LDLRAD3: variants seen among roughly 807,000 people sequenced by gnomAD.
LDLRAD3 encodes low density lipoprotein receptor class A domain containing 3.
Under a neutral mutation model 29.4 loss-of-function variants are expected in LDLRAD3, and 20 were observed. The observed-to-expected ratio is 0.68, with a 90% CI of 0.48 to 0.99. The LOEUF is 0.99. LDLRAD3 is among the 50% of genes least tolerant of loss of function. The probability of loss-of-function intolerance (pLI) is 0.00; values close to 1 mark genes in which losing one functional copy is unlikely to be tolerated. For synonymous variants in LDLRAD3, 157 were observed against 192.7 expected, an observed-to-expected ratio of 0.81 and a Z score of 1.53; for missense variants, 420 against 454.3, an observed-to-expected ratio of 0.92 and a Z score of 0.69.
At position 36,213,136 on chromosome 11, in the gene LDLRAD3, C is replaced by G. The variant is rs1349802650; in HGVS notation, c.455-13949C>G. ...CCCTCCCCTTGCTTTCCCTCCCTCTCATTTTGAATTTAATCCTCGGGCACT... is the reference window on the plus strand; with the variant it reads ...CCCTCCCCTTGCTTTCCCTCCCTCTGATTTTGAATTTAATCCTCGGGCACT... On this transcript the variant is annotated intron_variant, in intron 4 of 5. Coordinates refer to ENST00000315571, the MANE Select transcript of LDLRAD3 (RefSeq NM_174902.4). The surrounding 1 kb of genome is among the most constrained non-coding windows in gnomAD (Gnocchi z 4.1). 6.6e-6 allele frequency among the ~76,000 whole-genome samples: 1 copy of G among 151,000 alleles called. No homozygotes were observed. The highest frequency in any genetic ancestry group is 1.5e-5 in the Non-Finnish European group (1 of 67,846).
At chr11:36,153,175 G>T (rs569885511) in intron 4 of LDLRAD3, among the ~76,000 whole-genome samples, 1 of 151,854 alleles carries the variant, frequency 6.6e-6, no homozygotes, top group Non-Finnish European at 1.5e-5. Flanking sequence ...GCATAGTCGG[G>T]GTGCTTGACC....
chr11:36,181,387 C>A (rs1228333678), intron 4 of LDLRAD3, among the ~76,000 whole-genome samples: 1 of 152,142 alleles, frequency 6.6e-6, no homozygotes, highest in Non-Finnish European at 1.5e-5. Context: ...ATAAGCATCA[C>A]CTCCCAGTAA....
chr11:36,089,326 C>G (rs1853242298), intron 3 of LDLRAD3, among the ~76,000 whole-genome samples: 2 of 152,138 alleles, frequency 1.3e-5, no homozygotes, highest in South Asian at 4.1e-4. Flanking sequence ...AATAACTTGC[C>G]CATACTCACA....
chr11:36,223,500 G>A (rs1424352869), intron 4 of LDLRAD3, among the ~76,000 whole-genome samples: 3 of 152,134 alleles, frequency 2.0e-5, no homozygotes, highest in South Asian at 2.1e-4. Flanking sequence ...AGGCAGAGAT[G>A]GATAGATTAC....
intron 4 of LDLRAD3, among the ~76,000 whole-genome samples, chr11:36,123,622 G>A (rs1316409316): frequency 6.6e-6 from 1 of 152,258 alleles, no homozygotes; most frequent in Admixed American, 6.5e-5. Context: ...AAGTGCACGG[G>A]TGTGGAAAGG....
At chr11:36,107,890 G>A (rs1853551615) in intron 4 of LDLRAD3, among the ~76,000 whole-genome samples, 1 of 152,196 alleles carries the variant, frequency 6.6e-6, no homozygotes, top group Admixed American at 6.5e-5. Context: ...ATGCCCAGGA[G>A]ACAAAGGCAC....
At chr11:36,090,055 A>G (rs1451533878) in intron 3 of LDLRAD3, among the ~76,000 whole-genome samples, 2 of 152,148 alleles carry the variant, frequency 1.3e-5, no homozygotes, top group Non-Finnish European at 2.9e-5. Context: ...ATTGAGGCTT[A>G]GAGAAGTTGA....
At chr11:36,089,801 G>C (rs1052830895) in intron 3 of LDLRAD3, among the ~76,000 whole-genome samples, 3 of 146,480 alleles carry the variant, frequency 2.0e-5, no homozygotes, top group African/African-American at 7.7e-5. Context: ...TTGTAGAGAA[G>C]GGGTCTTGCT....
At chr11:36,225,623 G>A (rs1399710599) in intron 4 of LDLRAD3, among the ~76,000 whole-genome samples, 2 of 151,994 alleles carry the variant, frequency 1.3e-5, no homozygotes, top group African/African-American at 4.8e-5. Flanking sequence ...CAGACCCCTG[G>A]ACTCAACTCA....
At position 36,201,544 on chromosome 11, in the gene LDLRAD3, A is replaced by G. The variant is rs1855126856; in HGVS notation, c.455-25541A>G. On this transcript the variant is annotated intron_variant, in intron 4 of 5. Transcript: ENST00000315571. ...AATTAACTAACTTGCAATTAATTTCAACAGTCATTATGCAAAAATTCTAGG... is the reference window on the plus strand; with the variant it reads ...AATTAACTAACTTGCAATTAATTTCGACAGTCATTATGCAAAAATTCTAGG... Among the ~76,000 whole-genome samples the G allele has an allele frequency of 2.0e-5, 3 of 152,218 alleles. No individual in the cohort carries two copies. The South Asian group carries it at 6.2e-4, about 32-fold the overall frequency.
intron 4 of LDLRAD3, among the ~76,000 whole-genome samples, chr11:36,103,572 C>G (rs1008120118): frequency 1.7e-4 from 26 of 152,106 alleles, no homozygotes; most frequent in African/African-American, 6.0e-4. Flanking sequence ...TGTATGTGTC[C>G]TGGACTCACT....
At chr11:36,065,033 A>G (rs1366701605) in intron 2 of LDLRAD3, among the ~76,000 whole-genome samples, 1 of 152,164 alleles carries the variant, frequency 6.6e-6, no homozygotes, top group Non-Finnish European at 1.5e-5. Flanking sequence ...TATTAGGTCC[A>G]CTTTGTGGTG....
chr11:35,970,338 ACACT>A (rs56793153), intron 1 of LDLRAD3, among the ~76,000 whole-genome samples: 59,789 of 151,740 alleles, frequency 0.39, 11,783 homozygotes, highest in East Asian at 0.56. Flanking sequence ...GGGTACACAG[ACACT>A]CACAGAGGGA....
chr11:36,165,282 A>G (rs549536858), intron 4 of LDLRAD3, among the ~76,000 whole-genome samples: 1 of 152,130 alleles, frequency 6.6e-6, no homozygotes, highest in East Asian at 1.9e-4. Context: ...CCACACATCT[A>G]TTGATGAACA....
intron 2 of LDLRAD3, among the ~76,000 whole-genome samples, chr11:36,040,109 C>G (rs560202619): frequency 1.3e-5 from 2 of 152,056 alleles, no homozygotes; most frequent in East Asian, 1.9e-4. Context: ...GTTCTCGCCT[C>G]GGAGAGGTGA....
chr11:36,015,306 T>TCCCCCCCCCCCCCCCCCCC (rs11347924), intron 1 of LDLRAD3, among the ~76,000 whole-genome samples: 3 of 87,724 alleles, frequency 3.4e-5, no homozygotes, highest in Admixed American at 2.5e-4. Flanking sequence ...GACATGCCAT[T>TCCCCCCCCCCCCCCCCCCC]CCCCCCCCCC....
chr11:36,022,264 A>G (rs900284079), intron 1 of LDLRAD3, among the ~76,000 whole-genome samples: 2 of 152,146 alleles, frequency 1.3e-5, no homozygotes, highest in African/African-American at 2.4e-5. Flanking sequence ...TTATGAAATG[A>G]CGTGTTATGT....
At chr11:36,045,976 C>G (rs570816036) in intron 2 of LDLRAD3, among the ~76,000 whole-genome samples, 1 of 152,042 alleles carries the variant, frequency 6.6e-6, no homozygotes. Context: ...TCCCCCACCC[C>G]CAACAGGCCC....
Position 36,005,928 on chromosome 11 carries a change from C to T in LDLRAD3, c.47-30175C>T, listed in dbSNP as rs565478545. Among the ~76,000 whole-genome samples, 5 of 152,260 alleles carry T rather than the reference C, an allele frequency of 3.3e-5. No individual in the cohort carries two copies. In the East Asian group the frequency reaches 5.8e-4, roughly 18 times the overall value. ...ATCAGATCTCATGAGAACTTGCTAT[C>T]ACGAGAGCAGCAAGGGGGAAATCCA... On this transcript the variant is annotated intron_variant, in intron 1 of 5. Coordinates refer to ENST00000315571, the MANE Select transcript of LDLRAD3 (RefSeq NM_174902.4).
Sources: gnomAD v4.1 joint callset for allele counts (sites outside exome capture counted in the v4.1 genomes callset) on GRCh38, gnomAD v4.1.1 for gene constraint, Gnocchi (gnomAD v3.1) non-coding constraint, MANE v1.5 for transcripts, NCBI Gene and HGNC (gene_info 2026-07-23, HGNC 2026-07-21) for gene names.